The following KDM4C variants were observed in gnomAD, a reference collection of about 807,000 sequenced individuals.
The protein encoded by KDM4C is lysine demethylase 4C.
A neutral mutation model predicts 129.3 loss-of-function variants in KDM4C; 81 were observed. That is an observed-to-expected ratio of 0.63 (90% confidence interval 0.52 to 0.75). The LOEUF is 0.75. Ranked by LOEUF, KDM4C falls within the 30% of genes least tolerant of loss-of-function variation. The probability of loss-of-function intolerance (pLI) is 0.00; values close to 1 mark genes in which losing one functional copy is unlikely to be tolerated. For synonymous variants in KDM4C, 573 were observed against 456.1 expected, an observed-to-expected ratio of 1.26 and a Z score of -3.26; for missense variants, 1,457 against 1,304.0, an observed-to-expected ratio of 1.12 and a Z score of -1.81.
intron 1 of KDM4C, among the ~76,000 whole-genome samples, chr9:6,747,784 GC>G (rs1401666764): frequency 1.3e-5 from 2 of 152,200 alleles, no homozygotes; most frequent in Non-Finnish European, 1.5e-5. Context: ...TGCTTGAGCA[GC>G]CCGCTCTGAT....
At chr9:6,912,539 T>G (rs1450997027) in intron 8 of KDM4C, among the ~76,000 whole-genome samples, 5 of 152,206 alleles carry the variant, frequency 3.3e-5, no homozygotes, top group Non-Finnish European at 7.3e-5. Flanking sequence ...TGATCATTAA[T>G]GTATGTGAAT....
intron 4 of KDM4C, chr9:6,834,949 C>T: frequency 9.4e-7 from 1 of 1,065,094 alleles, no homozygotes; most frequent in Non-Finnish European, 1.5e-6. Flanking sequence ...GTGTGCCCAT[C>T]TGCGAGGGAT....
chr9:6,925,541 C>G, intron 8 of KDM4C: 2 of 951,558 alleles, frequency 2.1e-6, no homozygotes, highest in Non-Finnish European at 2.5e-6. Flanking sequence ...AGCAGTCCTC[C>G]CACCTTGGCC....
chr9:6,921,876 C>A (rs1334107613), intron 8 of KDM4C, among the ~76,000 whole-genome samples: 1 of 152,028 alleles, frequency 6.6e-6, no homozygotes, highest in East Asian at 1.9e-4. Flanking sequence ...TGCCCTAGGT[C>A]CCCCAGGTTC....
chr9:6,987,228 C>T (rs903962934), intron 11 of KDM4C, among the ~76,000 whole-genome samples: 1 of 152,190 alleles, frequency 6.6e-6, no homozygotes, highest in Non-Finnish European at 1.5e-5. Context: ...ACTCTTTCCT[C>T]ATGGACCCTG....
At chr9:6,735,327 A>G (rs188369905) in intron 1 of KDM4C, among the ~76,000 whole-genome samples, 107 of 152,314 alleles carry the variant, frequency 7.0e-4, no homozygotes, top group African/African-American at 2.5e-3. Context: ...TCAGTATTAA[A>G]CTGCCTGAAT....
At chr9:6,754,880 T>TAAAAAAAA (rs58382779), upstream of KDM4C, among the ~76,000 whole-genome samples, 2 of 83,352 alleles carry the variant, frequency 2.4e-5, no homozygotes, top group Non-Finnish European at 5.2e-5. Flanking sequence ...TGTCTCAAAG[T>TAAAAAAAA]AAAAAAAAAA....
chr9:6,912,628 A>G (rs1819541206), intron 8 of KDM4C, among the ~76,000 whole-genome samples: 1 of 152,178 alleles, frequency 6.6e-6, no homozygotes, highest in African/African-American at 2.4e-5. Context: ...ATACTGGGAG[A>G]GAGAGAATTT....
intron 18 of KDM4C, among the ~76,000 whole-genome samples, chr9:7,115,673 T>A (rs116364447): frequency 2.0e-4 from 31 of 152,318 alleles, no homozygotes; most frequent in African/African-American, 7.5e-4. Context: ...ATGAAATAAC[T>A]TCCAATATTT....
chr9:7,103,179 T>G lies in KDM4C; in HGVS notation c.2425-506T>G, dbSNP rs112242788. Among the ~76,000 whole-genome samples the G allele has an allele frequency of 2.4e-3, 369 of 152,344 alleles. 2 individuals are homozygous for G. The highest frequency in any genetic ancestry group is 8.4e-3 in the African/African-American group (348 of 41,582). On this transcript the variant is annotated intron_variant, in intron 17 of 21. Transcript: ENST00000381309. ...GTTTCCACATTGGACCATTTAACAC[T>G]TTACATTTCCTTGTCTTTGGAAAAC...
intron 8 of KDM4C, among the ~76,000 whole-genome samples, chr9:6,969,865 A>G (rs1173371830): frequency 6.6e-6 from 1 of 151,302 alleles, no homozygotes; most frequent in East Asian, 1.9e-4. Context: ...CCTACTTGAC[A>G]TTTCTTGTCA....
chr9:7,037,636 G>A (rs1177617252), intron 15 of KDM4C, among the ~76,000 whole-genome samples: 4 of 152,056 alleles, frequency 2.6e-5, no homozygotes, highest in African/African-American at 9.7e-5. Flanking sequence ...TTTGTCAGTG[G>A]TATTAGGTGA....
At chr9:6,949,337 C>T (rs1164163492) in intron 8 of KDM4C, among the ~76,000 whole-genome samples, 2 of 150,992 alleles carry the variant, frequency 1.3e-5, no homozygotes, top group African/African-American at 4.9e-5. Flanking sequence ...GGATGGCGGC[C>T]GGGAAGAGGC....
At chr9:6,768,530 T>C (rs1821102484) in intron 1 of KDM4C, among the ~76,000 whole-genome samples, 1 of 152,166 alleles carries the variant, frequency 6.6e-6, no homozygotes, top group African/African-American at 2.4e-5. Context: ...ATCAGGAAAT[T>C]AACACTGATA....
intron 2 of KDM4C, 135 bp from the exon 3 acceptor site, chr9:6,805,464 C>CT (rs373482627): frequency 0.033 from 15,108 of 457,426 alleles, 17 homozygotes; most frequent in East Asian, 0.055. Flanking sequence ...AAATATTCAT[C>CT]TTTTTTTTTT....
At chr9:7,127,033 A>T (rs909696560) in intron 18 of KDM4C, among the ~76,000 whole-genome samples, 1 of 152,126 alleles carries the variant, frequency 6.6e-6, no homozygotes, top group African/African-American at 2.4e-5. Flanking sequence ...AGAAGGAAAG[A>T]TGGATGGATG....
intron 8 of KDM4C, among the ~76,000 whole-genome samples, chr9:6,968,419 A>C (rs1200795932): frequency 1.3e-5 from 2 of 152,188 alleles, no homozygotes; most frequent in South Asian, 2.1e-4. Context: ...TTGGTGAAGC[A>C]GTTTTTTATG....
At chr9:6,773,098 C>T (rs1822235127) in intron 1 of KDM4C, among the ~76,000 whole-genome samples, 1 of 152,010 alleles carries the variant, frequency 6.6e-6, no homozygotes, top group Non-Finnish European at 1.5e-5. Context: ...CTCCCAGACT[C>T]AAGTGATCCT....
At chr9:6,770,723 T>C (rs1435156907) in intron 1 of KDM4C, among the ~76,000 whole-genome samples, 1 of 151,610 alleles carries the variant, frequency 6.6e-6, no homozygotes, top group Non-Finnish European at 1.5e-5. Flanking sequence ...TTTTTTTTTT[T>C]TTCAATATAG....
Sources: gnomAD v4.1 joint callset for allele counts (sites outside exome capture counted in the v4.1 genomes callset) on GRCh38, gnomAD v4.1.1 for gene constraint, MANE v1.5 for transcripts, NCBI Gene and HGNC (gene_info 2026-07-23, HGNC 2026-07-21) for gene names.